The following ZDHHC11 variants were observed in gnomAD, a reference collection of about 807,000 sequenced individuals.
ZDHHC11 encodes the protein palmitoyltransferase ZDHHC11.
Under a neutral mutation model 51.3 loss-of-function variants are expected in ZDHHC11, and 44 were observed. The ratio of observed to expected loss-of-function variants is 0.86; its 90% CI spans 0.67 to 1.10. The LOEUF is 1.10. Among genes scored for constraint, ZDHHC11 ranks in the 50% least tolerant of loss-of-function variants. ZDHHC11 has a pLI of 0.00. For missense variants in ZDHHC11, 400 were observed against 537.7 expected, an observed-to-expected ratio of 0.74 and a Z score of 2.53; for synonymous variants, 163 against 222.0, an observed-to-expected ratio of 0.73 and a Z score of 2.36.
intron 7 of ZDHHC11, among the ~76,000 whole-genome samples, chr5:829,435 C>A (rs146625783): frequency 0.04 from 6,106 of 150,858 alleles, 392 homozygotes; most frequent in African/African-American, 0.14. Flanking sequence ...ATACAACCCA[C>A]CTAGATTAAA....
intron 7 of ZDHHC11, among the ~76,000 whole-genome samples, chr5:829,052 A>T (rs1456771897): frequency 7.5e-6 from 1 of 134,084 alleles, no homozygotes; most frequent in Non-Finnish European, 1.6e-5. Context: ...AGACTGAAAG[A>T]GCACAAACAG....
At chr5:833,179 G>A (rs1432595715) in intron 7 of ZDHHC11, among the ~76,000 whole-genome samples, 25 of 152,270 alleles carry the variant, frequency 1.6e-4, no homozygotes, top group Non-Finnish European at 3.5e-4. Flanking sequence ...CCACCCTTTT[G>A]AGAAGTCATC....
intron 10 of ZDHHC11, chr5:816,330 ACT>A (rs1243814765): frequency 2.9e-6 from 1 of 339,206 alleles, no homozygotes; most frequent in Non-Finnish European, 5.7e-6. Flanking sequence ...CTGGAGGGAG[ACT>A]CAGAGGCGGA....
At chr5:852,293 C>T (rs886148963), upstream of ZDHHC11, among the ~76,000 whole-genome samples, 8 of 152,172 alleles carry the variant, frequency 5.3e-5, no homozygotes, top group Admixed American at 5.2e-4. Context: ...CGGCCTTGAG[C>T]CTTGAGCCTG....
chr5:814,687 T>G, intron 11 of ZDHHC11, 74 bp downstream of exon 11: 1 of 1,397,712 alleles, frequency 7.2e-7, no homozygotes, highest in Non-Finnish European at 9.6e-7. Flanking sequence ...ATAGAGAACA[T>G]ATTTTCCTAT....
chr5:814,702 T>C, intron 11 of ZDHHC11, 59 bp downstream of exon 11: 1 of 1,458,892 alleles, frequency 6.9e-7, no homozygotes, highest in East Asian at 2.5e-5. Context: ...TCCTATGTAA[T>C]TTGAGTTCAG....
intron 3 of ZDHHC11, among the ~76,000 whole-genome samples, chr5:844,986 A>G (rs1342303882): frequency 1.3e-5 from 2 of 152,240 alleles, no homozygotes; most frequent in Admixed American, 6.5e-5. Context: ...AATCCTTTCC[A>G]TTGTATTATG....
chr5:844,671 G>A (rs1313120035), intron 3 of ZDHHC11, among the ~76,000 whole-genome samples: 1 of 152,310 alleles, frequency 6.6e-6, no homozygotes, highest in East Asian at 1.9e-4. Flanking sequence ...TCAGGGACCT[G>A]GATCTCTGCA....
At position 850,492 on chromosome 5, in the gene ZDHHC11, G is replaced by C; in HGVS notation, c.111C>G (p.Pro37=). ...RISRVNGWSL[P]LHYFQVVTWA... ...AGGTCACCACCTGGAAGTAGTGCAG[G>C]GGTAACGACCAGCCGTTCACTCTGG... The change falls in exon 1 of 13, where the codon CCC becomes CCG. Residue 37 remains proline, a synonymous_variant. Transcript: ENST00000283441. The C allele has an allele frequency of 6.2e-7, 1 of 1,613,712 alleles. No individual in the cohort carries two copies. The highest frequency in any genetic ancestry group is 8.5e-7 in the Non-Finnish European group (1 of 1,180,030).
chr5:795,970 C>CCAGTACTGTATGCCCATTTCT lies in ZDHHC11; in HGVS notation c.*617_*618insAGAAATGGGCATACAGTACTG, dbSNP rs1561218084. On this transcript the variant is annotated 3_prime_UTR_variant, in exon 13 of 13. Transcript: ENST00000283441. ...TTTCTCAGTACTGTATGCCCATTTC[C>CCAGTACTGTATGCCCATTTCT]CAGTACTGTGCTCCCATTTCTCAGT... 3 of 152,992 alleles carry CCAGTACTGTATGCCCATTTCT rather than the reference C, an allele frequency of 2.0e-5. No individual in the cohort carries two copies. The highest frequency in any genetic ancestry group is 2.9e-5 in the Non-Finnish European group (2 of 67,964). The allele number at this position is 152,992 out of a possible 1,614,324, so 9.5% of individuals were successfully genotyped here.
intron 6 of ZDHHC11, 38 bp downstream of exon 6, chr5:837,327 C>T: frequency 1.9e-6 from 3 of 1,612,410 alleles, no homozygotes; most frequent in Non-Finnish European, 2.5e-6. Context: ...AGACATTGTC[C>T]CAGGCCTGGA....
intron 5 of ZDHHC11, among the ~76,000 whole-genome samples, chr5:838,614 C>T (rs1159872269): frequency 1.3e-5 from 2 of 152,158 alleles, no homozygotes; most frequent in African/African-American, 2.4e-5. Flanking sequence ...GGGGTGGGGA[C>T]AGGCCTGGGC....
chr5:800,665 C>T (rs1430578097), intron 12 of ZDHHC11, among the ~76,000 whole-genome samples: 1 of 151,380 alleles, frequency 6.6e-6, no homozygotes, highest in African/African-American at 2.4e-5. Context: ...GGTTAAATTT[C>T]ACTGCATTCT....
At chr5:855,763 C>T (rs181130106), upstream of ZDHHC11, among the ~76,000 whole-genome samples, 44 of 148,342 alleles carry the variant, frequency 3.0e-4, no homozygotes, top group African/African-American at 8.5e-4. Context: ...GGACAGCGAG[C>T]GAGGGTTACA....
intron 8 of ZDHHC11, chr5:824,199 C>T (rs1197261750): frequency 2.5e-6 from 1 of 397,784 alleles, no homozygotes; most frequent in South Asian, 1.8e-5. Flanking sequence ...TGGCTCACGC[C>T]TCTAATCCCT....
chr5:844,729 C>A, intron 3 of ZDHHC11, among the ~76,000 whole-genome samples: 1 of 152,308 alleles, frequency 6.6e-6, no homozygotes, highest in East Asian at 1.9e-4. Flanking sequence ...CCCGGCCACA[C>A]CTCGGCTGCA....
At chr5:822,174 G>A (rs1741656827) in intron 8 of ZDHHC11, among the ~76,000 whole-genome samples, 1 of 151,388 alleles carries the variant, frequency 6.6e-6, no homozygotes, top group Admixed American at 6.6e-5. Flanking sequence ...GGTCTTGAAA[G>A]AGGTAATGGA....
rs1472302994 is a variant in ZDHHC11, at chr5:831,067, C to G, written c.935+2706G>C. Reference sequence around the variant, plus strand: ...TAGGCATTGACTTCGGCAAAGAGCTCATGACGAAGAATCCAAAAGCAAATG... The same window carrying G: ...TAGGCATTGACTTCGGCAAAGAGCTGATGACGAAGAATCCAAAAGCAAATG... On this transcript the variant is annotated intron_variant, in intron 7 of 12. Transcript: ENST00000283441. 1.3e-5 allele frequency among the ~76,000 whole-genome samples: 2 copies of G among 149,304 alleles called. 1 individual carries two copies. The highest frequency in any genetic ancestry group is 1.4e-4 in the Admixed American group (2 of 14,750).
chr5:823,888 C>G (rs1280454947), intron 8 of ZDHHC11: 1 of 362,130 alleles, frequency 2.8e-6, no homozygotes, highest in East Asian at 7.4e-5. Context: ...AGTGAGGGAA[C>G]TTTGGTGGCT....
Sources: allele counts gnomAD v4.1 joint callset (sites outside exome capture counted in the v4.1 genomes callset), GRCh38; gene constraint gnomAD v4.1.1; transcripts MANE v1.5; gene names NCBI Gene and HGNC (gene_info 2026-07-23, HGNC 2026-07-21).